Variants in PARL observed in about 807,000 individuals in gnomAD.
PARL encodes the protein presenilin-associated rhomboid-like protein, mitochondrial.
In PARL, 44 loss-of-function variants were observed where a neutral mutation model predicts 51.6. The ratio of observed to expected loss-of-function variants is 0.85; its 90% CI spans 0.67 to 1.10. The LOEUF (loss-of-function observed/expected upper bound fraction) is 1.10. Ranked by LOEUF, PARL falls within the 50% of genes least tolerant of loss-of-function variation. PARL has a pLI of 0.00. For synonymous variants in PARL, 172 were observed against 164.0 expected, an observed-to-expected ratio of 1.05 and a Z score of -0.37; for missense variants, 441 against 469.5, an observed-to-expected ratio of 0.94 and a Z score of 0.56.
rs753607644 is a variant in PARL, at chr3:183,867,940, A to T, written c.246T>A (p.Pro82=). 3 of 1,613,854 alleles carry T rather than the reference A, an allele frequency of 1.9e-6. No homozygotes were observed. The highest frequency in any genetic ancestry group is 2.5e-6 in the Non-Finnish European group (3 of 1,179,734). The change falls in exon 2 of 10, where the codon CCT becomes CCA. Residue 82 remains proline, a synonymous_variant. Transcript: ENST00000317096. The stretch of plus-strand genomic sequence containing the variant: ...AAGGATAAAAGACTGTTTCTTCCAC[A>T]GGAGGAATCAAAGCACTTCTCTTGT... ...EAYKRSALIP[P]VEETVFYPSP... is the part of the protein sequence containing the mutation.
In PARL at chr3:183,838,820, G is replaced by C. The variant is rs556226610; in HGVS notation, c.828+1750C>G. Among the ~76,000 whole-genome samples the C allele has an allele frequency of 3.9e-5, 6 of 152,320 alleles. No individual in the cohort carries two copies. The East Asian group carries it at 9.6e-4, about 24-fold the overall frequency. ...TAAGATGAGGACAACAGCTGTCCAA[G>C]AGCACATCAAAATGCCCTCGCAGGT... On this transcript the variant is annotated intron_variant, in intron 7 of 9. Transcript: ENST00000317096.
chr3:183,854,688 C>T (rs1730935617), intron 4 of PARL, among the ~76,000 whole-genome samples: 1 of 147,732 alleles, frequency 6.8e-6, no homozygotes, highest in Non-Finnish European at 1.5e-5. Context: ...CTGAACTCTA[C>T]TGAACTATAT....
At chr3:183,857,643 T>C (rs558005770) in intron 4 of PARL, among the ~76,000 whole-genome samples, 1 of 152,164 alleles carries the variant, frequency 6.6e-6, no homozygotes, top group Non-Finnish European at 1.5e-5. Context: ...AAGTTCAGAG[T>C]GAGAGAAAGA....
rs12631031 is a variant in PARL at position 183,857,982 on chromosome 3, G to A, written c.511+4771C>T. 0.12 allele frequency among the ~76,000 whole-genome samples: 18,353 copies of A among 152,216 alleles called. 1,417 individuals carry two copies. Among genetic ancestry groups the A allele is most frequent in the East Asian group, 0.27 (1,391 of 5,182 alleles). On this transcript the variant is annotated intron_variant, in intron 4 of 9. Coordinates refer to ENST00000317096, the MANE Select transcript of PARL (RefSeq NM_018622.7). Reference sequence around the variant, plus strand: ...CGAATCCACCCAGTTCTAGCTGTGTGATCGCAGTTACTTGGCCGTTCCTTG... The same window carrying A: ...CGAATCCACCCAGTTCTAGCTGTGTAATCGCAGTTACTTGGCCGTTCCTTG...
chr3:183,879,014 C>G (rs184538232), intron 1 of PARL, among the ~76,000 whole-genome samples: 2 of 152,202 alleles, frequency 1.3e-5, no homozygotes, highest in Non-Finnish European at 2.9e-5. Context: ...GGAGCTAGAA[C>G]CTGATTCCTC....
intron 4 of PARL, among the ~76,000 whole-genome samples, chr3:183,846,000 G>A (rs1171897907): frequency 1.3e-5 from 2 of 151,966 alleles, no homozygotes; most frequent in East Asian, 3.9e-4. Context: ...AGCAAGATGG[G>A]GTCCCTGATC....
chr3:183,840,857 C>T (rs769652922), intron 6 of PARL, among the ~76,000 whole-genome samples: 2 of 151,864 alleles, frequency 1.3e-5, no homozygotes, highest in Non-Finnish European at 2.9e-5. Flanking sequence ...TACAGGCGTG[C>T]GGCACCACAT....
intron 1 of PARL, among the ~76,000 whole-genome samples, chr3:183,882,543 T>C (rs1324068949): frequency 2.6e-5 from 4 of 152,008 alleles, no homozygotes; most frequent in Non-Finnish European, 5.9e-5. Context: ...CCTTGGATAG[T>C]TTCATATAAC....
At position 183,867,912 on chromosome 3, in the gene PARL, G is replaced by C; in HGVS notation, c.274C>G (p.Pro92Ala). Residue 92 changes from proline (P) to alanine (A), a missense_variant, in exon 2 of 10, where the codon CCC becomes GCC. Coordinates refer to ENST00000317096, the MANE Select transcript of PARL (RefSeq NM_018622.7). ...PVEETVFYPS[P>A]YPIRSLIKPL... ...TTTATGAGACTCCTTATAGGATAGG[G>C]AGAAGGATAAAAGACTGTTTCTTCC... is the stretch of plus-strand genomic sequence containing the variant. 6.2e-7 allele frequency: 1 copy of C among 1,613,892 alleles called. No individual in the cohort carries two copies. The highest frequency in any genetic ancestry group is 8.5e-7 in the Non-Finnish European group (1 of 1,179,862).
At chr3:183,854,662 C>T (rs1455450444) in intron 4 of PARL, among the ~76,000 whole-genome samples, 1 of 143,366 alleles carries the variant, frequency 7.0e-6, no homozygotes, top group African/African-American at 2.6e-5. Flanking sequence ...ATTGGTTTTA[C>T]AAAAATGTGA....
At chr3:183,877,804 C>CT (rs35496459) in intron 1 of PARL, among the ~76,000 whole-genome samples, 85 of 146,868 alleles carry the variant, frequency 5.8e-4, no homozygotes, top group Middle Eastern at 7.0e-3. Flanking sequence ...TAATTTATTA[C>CT]TTTTTTTTTT....
intron 7 of PARL, among the ~76,000 whole-genome samples, chr3:183,837,562 T>C (rs575493968): frequency 6.6e-6 from 1 of 152,166 alleles, no homozygotes; most frequent in African/African-American, 2.4e-5. Context: ...TCAGCTCCCA[T>C]CCCTGCCCTG....
intron 2 of PARL, 123 bp downstream of exon 2, chr3:183,867,742 G>A (rs1732694396): frequency 4.1e-6 from 3 of 730,250 alleles, no homozygotes; most frequent in South Asian, 3.0e-5. Flanking sequence ...TAGAATTCAT[G>A]AGCCCAGCTC....
At chr3:183,832,052 ATACTG>A (rs2108579174) in intron 9 of PARL, among the ~76,000 whole-genome samples, 1 of 152,288 alleles carries the variant, frequency 6.6e-6, no homozygotes, top group East Asian at 1.9e-4. Flanking sequence ...CATGTTTCTC[ATACTG>A]TAATATCAGG....
intron 1 of PARL, among the ~76,000 whole-genome samples, chr3:183,868,607 C>T (rs1444016398): frequency 6.6e-6 from 1 of 152,116 alleles, no homozygotes; most frequent in South Asian, 2.1e-4. Flanking sequence ...TGGGGTTCTG[C>T]CATGTTGCCC....
At chr3:183,858,499 C>G (rs1299088825) in intron 4 of PARL, among the ~76,000 whole-genome samples, 3 of 152,138 alleles carry the variant, frequency 2.0e-5, no homozygotes, top group Non-Finnish European at 4.4e-5. Flanking sequence ...GATCTCTCTC[C>G]CTATCCTTTT....
At chr3:183,860,791 C>T (rs1173342901) in intron 4 of PARL, among the ~76,000 whole-genome samples, 4 of 150,358 alleles carry the variant, frequency 2.7e-5, no homozygotes, top group Non-Finnish European at 5.9e-5. Context: ...CCTTGCCACC[C>T]TAAAGAAATC....
At chr3:183,844,640 C>G (rs574418792) in intron 4 of PARL, 1 of 269,570 alleles carries the variant, frequency 3.7e-6, no homozygotes, top group African/African-American at 2.2e-5. Flanking sequence ...AATTTATTGT[C>G]TATAATAGCC....
chr3:183,860,534 T>C (rs1731693009), intron 4 of PARL, among the ~76,000 whole-genome samples: 1 of 152,172 alleles, frequency 6.6e-6, no homozygotes, highest in Admixed American at 6.5e-5. Flanking sequence ...AGCATCTCTC[T>C]CTACTGCTAC....
Sources: allele counts gnomAD v4.1 joint callset (sites outside exome capture counted in the v4.1 genomes callset), GRCh38; gene constraint gnomAD v4.1.1; transcripts MANE v1.5; gene names NCBI Gene and HGNC (gene_info 2026-07-23, HGNC 2026-07-21).